FRMD6: variants seen among roughly 807,000 people sequenced by gnomAD.
The protein encoded by FRMD6 is FERM domain containing 6.
In FRMD6, 37 loss-of-function variants were observed where a neutral mutation model predicts 73.2. That is an observed-to-expected ratio of 0.51 (90% CI 0.39 to 0.66). The LOEUF is 0.66. Ranked by LOEUF, FRMD6 falls within the 30% of genes least tolerant of loss-of-function variation. The probability of loss-of-function intolerance (pLI) is 0.00; values close to 1 mark genes in which losing one functional copy is unlikely to be tolerated. For synonymous variants in FRMD6, 273 were observed against 282.2 expected, an observed-to-expected ratio of 0.97 and a Z score of 0.33; for missense variants, 714 against 780.5, an observed-to-expected ratio of 0.91 and a Z score of 1.02.
At chr14:51,436,299 G>T in the FRMD6 span, 220 of 384,088 alleles carry the variant, frequency 5.7e-4, 3 homozygotes, top group South Asian at 6.2e-3. Flanking sequence ...AGAATTGATT[G>T]CCAAAATCCC....
intron 1 of FRMD6, among the ~76,000 whole-genome samples, chr14:51,544,796 A>G (rs1886381687): frequency 6.6e-6 from 1 of 152,046 alleles, no homozygotes; most frequent in Non-Finnish European, 1.5e-5. Context: ...AAGCCTGCAT[A>G]AGGATGAAAG....
chr14:51,430,419 C>T, the FRMD6 span, among the ~76,000 whole-genome samples: 1 of 152,100 alleles, frequency 6.6e-6, no homozygotes, highest in Non-Finnish European at 1.5e-5. Context: ...AAGATCTAAC[C>T]CACTGCTGTT....
chr14:51,636,354 T>C (rs1364149892), intron 2 of FRMD6, among the ~76,000 whole-genome samples: 1 of 152,206 alleles, frequency 6.6e-6, no homozygotes, highest in Non-Finnish European at 1.5e-5. Flanking sequence ...ACATGGCAGA[T>C]TAGCATCCAA....
At chr14:51,652,505 C>G (rs1259665930) in intron 1 of FRMD6, among the ~76,000 whole-genome samples, 2 of 152,198 alleles carry the variant, frequency 1.3e-5, no homozygotes, top group Admixed American at 6.5e-5. Flanking sequence ...TCCCGCGCTC[C>G]CGGGGGCTGC....
At chr14:51,408,345 A>G in the FRMD6 span, among the ~76,000 whole-genome samples, 2 of 151,982 alleles carry the variant, frequency 1.3e-5, no homozygotes, top group Non-Finnish European at 2.9e-5. Context: ...ATTCTTTAAT[A>G]TTGTTTTCTC....
intron 3 of FRMD6, among the ~76,000 whole-genome samples, chr14:51,699,444 C>CA (rs1219890368): frequency 4.1e-4 from 62 of 152,090 alleles, no homozygotes; most frequent in African/African-American, 1.4e-3. Context: ...TATTGTTCAA[C>CA]AAATAAGTCC....
intron 1 of FRMD6, among the ~76,000 whole-genome samples, chr14:51,566,119 C>T (rs1243715213): frequency 5.3e-5 from 8 of 152,214 alleles, no homozygotes; most frequent in Admixed American, 6.5e-5. Context: ...GAGCCGAGAT[C>T]ATGCCAGTGA....
intron 3 of FRMD6, 85 bp downstream of exon 3, chr14:51,698,317 A>G (rs1566575169): frequency 1.2e-6 from 1 of 822,546 alleles, no homozygotes; most frequent in Non-Finnish European, 1.9e-6. Context: ...AATTGGGCCT[A>G]TTGTTATAAA....
At chr14:51,726,938 G>C (rs1566603629) in intron 13 of FRMD6, among the ~76,000 whole-genome samples, 2 of 152,054 alleles carry the variant, frequency 1.3e-5, no homozygotes, top group Non-Finnish European at 2.9e-5. Context: ...ATAATACCTG[G>C]TTTCCTTAAA....
chr14:51,459,922 C>CTAA, the FRMD6 span, among the ~76,000 whole-genome samples: 4 of 81,410 alleles, frequency 4.9e-5, no homozygotes, highest in Non-Finnish European at 9.1e-5. Flanking sequence ...TCGGCTATGG[C>CTAA]TAATCTTTTG....
At chr14:51,685,142 T>C (rs1226450320) in intron 1 of FRMD6, among the ~76,000 whole-genome samples, 1 of 152,182 alleles carries the variant, frequency 6.6e-6, no homozygotes, top group Non-Finnish European at 1.5e-5. Context: ...TAGTAAATGC[T>C]AGCTATCATT....
chr14:51,658,459 C>G (rs751424020), intron 1 of FRMD6, among the ~76,000 whole-genome samples: 16 of 152,192 alleles, frequency 1.1e-4, no homozygotes, highest in Non-Finnish European at 2.1e-4. Context: ...ACCCTAATTT[C>G]AAAGGACTGC....
the FRMD6 span, among the ~76,000 whole-genome samples, chr14:51,474,924 C>G: frequency 6.6e-6 from 1 of 152,198 alleles, no homozygotes; most frequent in Non-Finnish European, 1.5e-5. Context: ...CATGTTCTTT[C>G]TGCAGAGATA....
chr14:51,598,760 G>A (rs1721037034), intron 2 of FRMD6, among the ~76,000 whole-genome samples: 1 of 152,148 alleles, frequency 6.6e-6, no homozygotes, highest in Non-Finnish European at 1.5e-5. Context: ...GTATTCCATG[G>A]TGTATATATA....
At chr14:51,566,399 A>G (rs945622163) in intron 1 of FRMD6, among the ~76,000 whole-genome samples, 4 of 152,222 alleles carry the variant, frequency 2.6e-5, no homozygotes, top group Non-Finnish European at 5.9e-5. Flanking sequence ...ACACAGTGCT[A>G]CTTTTCAGGT....
the FRMD6 span, chr14:51,454,824 A>T: frequency 2.7e-5 from 2 of 74,114 alleles, no homozygotes; most frequent in Non-Finnish European, 7.0e-5. Context: ...TCCTATAATT[A>T]AAAAAAAAAA....
upstream of FRMD6, among the ~76,000 whole-genome samples, chr14:51,487,230 A>G (rs2140154212): frequency 6.6e-6 from 1 of 152,338 alleles, no homozygotes; most frequent in East Asian, 1.9e-4. Context: ...TAACTGGCTT[A>G]TAGTTACAGT....
At chr14:51,672,656 A>G (rs1275910580) in intron 1 of FRMD6, among the ~76,000 whole-genome samples, 1 of 152,086 alleles carries the variant, frequency 6.6e-6, no homozygotes, top group African/African-American at 2.4e-5. Flanking sequence ...TTATCTTTTA[A>G]TTCCATTTTT....
the FRMD6 span, among the ~76,000 whole-genome samples, chr14:51,401,804 CA>C: frequency 6.6e-6 from 1 of 152,198 alleles, no homozygotes. Context: ...TTGGGAAGAA[CA>C]GGGGGTGCCC....
Sources: gnomAD v4.1 joint callset for allele counts (sites outside exome capture counted in the v4.1 genomes callset) on GRCh38, gnomAD v4.1.1 for gene constraint, MANE v1.5 for transcripts, NCBI Gene and HGNC (gene_info 2026-07-23, HGNC 2026-07-21) for gene names.